FGF13: variants seen among roughly 807,000 people sequenced by gnomAD.
FGF13 encodes the protein fibroblast growth factor homologous factor 2.
Under a neutral mutation model 19.5 loss-of-function variants are expected in FGF13, and 2 were observed. That is an observed-to-expected ratio of 0.10 (90% CI 0.04 to 0.32). The LOEUF (loss-of-function observed/expected upper bound fraction) is 0.32, where lower values mean the gene tolerates loss of function less well. Ranked by LOEUF, FGF13 falls within the 10% of genes least tolerant of loss-of-function variation. The pLI, the probability that FGF13 is intolerant of heterozygous loss-of-function variation, is 1.00. For synonymous variants in FGF13, 72 were observed against 76.9 expected (o/e 0.94, Z 0.33); for missense variants, 113 against 192.7 (o/e 0.59, Z 2.45).
intron 1 of FGF13, among the ~76,000 whole-genome samples, chrX:138,975,326 A>C (rs1288606307): frequency 8.9e-6 from 1 of 112,228 alleles, no homozygotes; most frequent in Non-Finnish European, 1.9e-5. Flanking sequence ...GTCCAAGATC[A>C]TGTACATAGA....
At chrX:138,935,073 G>A (rs2091724706) in intron 1 of FGF13, among the ~76,000 whole-genome samples, 1 of 111,293 alleles carries the variant, frequency 9.0e-6, no homozygotes, top group African/African-American at 3.3e-5. Context: ...CCCTGATTTG[G>A]TAAAGATGAG....
chrX:138,935,952 C>T (rs139169453), intron 1 of FGF13, among the ~76,000 whole-genome samples: 2 of 112,422 alleles, frequency 1.8e-5, no homozygotes, highest in Non-Finnish European at 3.8e-5. Flanking sequence ...AAATGTACAG[C>T]CTGGCTGGGC....
At chrX:138,753,222 A>G (rs1242095047) in intron 3 of FGF13, among the ~76,000 whole-genome samples, 1 of 112,008 alleles carries the variant, frequency 8.9e-6, no homozygotes, top group East Asian at 2.8e-4. Flanking sequence ...CATTTCCAAG[A>G]GCTAAATGCT....
chrX:138,702,365 T>C (rs1455407295), intron 3 of FGF13, among the ~76,000 whole-genome samples: 3 of 111,724 alleles, frequency 2.7e-5, no homozygotes, highest in East Asian at 2.8e-4. Context: ...ATGTTCCATA[T>C]TGAATTGTAA....
In FGF13 at chrX:139,162,684, TA is replaced by T. The variant is rs775284698; in HGVS notation, c.-113+40731del. ...ATCCAGAATCTACAAGGAACTTAAA[TA>T]AATTTACAAGATAAAAACAAACAAC... On this transcript the variant is annotated intron_variant, in intron 1 of 2. Coordinates refer to the FGF13 transcript ENST00000421460. 2.4e-3 allele frequency among the ~76,000 whole-genome samples: 265 copies of T among 111,837 alleles called. 1 individual carries two copies. Among genetic ancestry groups the T allele is most frequent in the Non-Finnish European group, 3.7e-3 (199 of 53,110 alleles).
chrX:139,131,695 C>T (rs891776295), intron 1 of FGF13, among the ~76,000 whole-genome samples: 9 of 111,168 alleles, frequency 8.1e-5, no homozygotes, highest in African/African-American at 2.9e-4. Context: ...CATAATCATG[C>T]CAGTGCACTC....
intron 3 of FGF13, among the ~76,000 whole-genome samples, chrX:138,823,284 G>T (rs182149646): frequency 2.7e-5 from 3 of 111,237 alleles, no homozygotes; most frequent in African/African-American, 9.8e-5. Context: ...ACTCCAGCCC[G>T]CCTGCGCACT....
chrX:138,857,792 A>G (rs2091267277), intron 2 of FGF13: 1 of 631,185 alleles, frequency 1.6e-6, no homozygotes, highest in Admixed American at 5.0e-5. Context: ...CCCTAAGAAA[A>G]GTTTCAAAGA....
At chrX:139,008,313 C>T (rs1428463327) in intron 1 of FGF13, among the ~76,000 whole-genome samples, 1 of 112,170 alleles carries the variant, frequency 8.9e-6, no homozygotes, top group African/African-American at 3.2e-5. Flanking sequence ...GACCCTAGGG[C>T]AAGTTTGCAT....
At chrX:138,743,187 G>A (rs5976193), upstream of FGF13, among the ~76,000 whole-genome samples, 1 of 110,351 alleles carries the variant, frequency 9.1e-6, no homozygotes, top group Admixed American at 9.6e-5. Context: ...GTGGTACATC[G>A]AGACAATGGC....
At chrX:138,726,758 A>G (rs1444674268) in intron 1 of FGF13, among the ~76,000 whole-genome samples, 1 of 111,981 alleles carries the variant, frequency 8.9e-6, no homozygotes, top group Non-Finnish European at 1.9e-5. Flanking sequence ...CACTTATTCT[A>G]TGCACCAAAC....
intron 3 of FGF13, among the ~76,000 whole-genome samples, chrX:138,745,048 A>G (rs1253322314): frequency 8.9e-6 from 1 of 112,036 alleles, no homozygotes; most frequent in Non-Finnish European, 1.9e-5. Flanking sequence ...TGACACCTGG[A>G]TGAGTCTTCC....
chrX:138,855,812 T>C (rs997140450), downstream of FGF13, among the ~76,000 whole-genome samples: 2 of 112,078 alleles, frequency 1.8e-5, no homozygotes, highest in African/African-American at 6.5e-5. Flanking sequence ...AATGGGGTCT[T>C]AACTGTTTTT....
chrX:138,787,563 C>G (rs1019622842), intron 3 of FGF13, among the ~76,000 whole-genome samples: 2 of 111,782 alleles, frequency 1.8e-5, no homozygotes, highest in African/African-American at 6.5e-5. Flanking sequence ...TTATTTTGCT[C>G]TAAGTTCCCA....
At chrX:138,716,310 G>A (rs996459237), upstream of FGF13, 4 of 112,237 alleles carry the variant, frequency 3.6e-5, no homozygotes, top group Non-Finnish European at 5.6e-5. Flanking sequence ...GAGTATTTAC[G>A]AGATGAGGTA....
chrX:138,706,380 G>A (rs751366476), intron 2 of FGF13, among the ~76,000 whole-genome samples: 4 of 111,943 alleles, frequency 3.6e-5, no homozygotes, highest in Non-Finnish European at 7.5e-5. Context: ...ATAAATCTAC[G>A]TAAGGTAAGG....
intron 1 of FGF13, among the ~76,000 whole-genome samples, chrX:139,196,651 A>G (rs1182902353): frequency 8.9e-6 from 1 of 111,779 alleles, no homozygotes; most frequent in Non-Finnish European, 1.9e-5. Context: ...CTAGGAAGGG[A>G]GTATGATATA....
At chrX:139,196,675 A>G (rs926804116) in intron 1 of FGF13, among the ~76,000 whole-genome samples, 6 of 111,953 alleles carry the variant, frequency 5.4e-5, no homozygotes, top group Non-Finnish European at 1.1e-4. Context: ...GTTAGTGGTT[A>G]GGAGGTAGAT....
At chrX:138,721,949 A>G (rs1325491392) in intron 1 of FGF13, among the ~76,000 whole-genome samples, 3 of 111,034 alleles carry the variant, frequency 2.7e-5, no homozygotes. Flanking sequence ...TTTTGATCAC[A>G]CTTATGCACT....
Sources: allele counts gnomAD v4.1 joint callset (sites outside exome capture counted in the v4.1 genomes callset), GRCh38; gene constraint gnomAD v4.1.1; transcripts MANE v1.5; gene names NCBI Gene and HGNC (gene_info 2026-07-23, HGNC 2026-07-21).